KCNIP1: variants seen among roughly 807,000 people sequenced by gnomAD.
The protein encoded by KCNIP1 is A-type potassium channel modulatory protein KCNIP1.
A neutral mutation model predicts 33.0 loss-of-function variants in KCNIP1; 18 were observed. The ratio of observed to expected loss-of-function variants is 0.55; its 90% confidence interval spans 0.38 to 0.81. The LOEUF (loss-of-function observed/expected upper bound fraction) is 0.81. Among genes scored for constraint, KCNIP1 ranks in the 30% least tolerant of loss-of-function variants. The pLI, the probability that KCNIP1 is intolerant of heterozygous loss-of-function variation, is 0.00. For synonymous variants in KCNIP1, 93 were observed against 98.3 expected (o/e 0.95, Z 0.32); for missense variants, 238 against 271.6 (o/e 0.88, Z 0.87).
chr5:170,404,365 T>G (rs1425390702), intron 1 of KCNIP1, among the ~76,000 whole-genome samples: 1 of 152,168 alleles, frequency 6.6e-6, no homozygotes, highest in Non-Finnish European at 1.5e-5. Context: ...CATCATAGGC[T>G]GTTGTATTGG....
chr5:170,583,804 A>G (rs534857452), intron 1 of KCNIP1, among the ~76,000 whole-genome samples: 1 of 152,348 alleles, frequency 6.6e-6, no homozygotes, highest in South Asian at 2.1e-4. Context: ...TCTGTCCCCC[A>G]GTAGCTCAGT....
intron 1 of KCNIP1, among the ~76,000 whole-genome samples, chr5:170,590,927 T>C (rs1229335265): frequency 6.6e-6 from 1 of 152,088 alleles, no homozygotes; most frequent in East Asian, 1.9e-4. Context: ...AGCCTCAGGT[T>C]TGTATGGGGC....
At chr5:170,695,393 G>A (rs1762857693) in intron 1 of KCNIP1, among the ~76,000 whole-genome samples, 1 of 152,170 alleles carries the variant, frequency 6.6e-6, no homozygotes, top group Non-Finnish European at 1.5e-5. Context: ...GAACGAGAAG[G>A]GGGAAAGAAG....
At chr5:170,427,388 A>T (rs1348894598) in intron 1 of KCNIP1, among the ~76,000 whole-genome samples, 1 of 152,182 alleles carries the variant, frequency 6.6e-6, no homozygotes, top group Non-Finnish European at 1.5e-5. Context: ...CAGGAGCATT[A>T]TAGCTACAAC....
chr5:170,605,617 A>G (rs1043407724), intron 1 of KCNIP1, among the ~76,000 whole-genome samples: 2 of 152,050 alleles, frequency 1.3e-5, no homozygotes, highest in Admixed American at 1.3e-4. Flanking sequence ...GCAACCACCA[A>G]TCTGCTTTCT....
chr5:170,426,596 C>T (rs1259674819), intron 1 of KCNIP1, among the ~76,000 whole-genome samples: 1 of 152,246 alleles, frequency 6.6e-6, no homozygotes, highest in African/African-American at 2.4e-5. Context: ...GCATCTAGCA[C>T]TAGGGGCGCT....
intron 1 of KCNIP1, among the ~76,000 whole-genome samples, chr5:170,475,351 G>A (rs1293151087): frequency 6.6e-6 from 1 of 152,174 alleles, no homozygotes; most frequent in Non-Finnish European, 1.5e-5. Flanking sequence ...GCTCCTGCGT[G>A]CCAGGCATGG....
At chr5:170,485,796 C>CCCAGCG (rs149875698) in intron 1 of KCNIP1, 25,736 of 152,816 alleles carry the variant, frequency 0.17, 2,249 homozygotes, top group East Asian at 0.35. Context: ...GACCCCCAGC[C>CCCAGCG]CCAGCCCCAG....
intron 1 of KCNIP1, among the ~76,000 whole-genome samples, chr5:170,364,464 C>T (rs367707264): frequency 3.9e-5 from 6 of 152,182 alleles, no homozygotes; most frequent in African/African-American, 1.2e-4. Flanking sequence ...GAATCATATA[C>T]GATTATAATC....
intron 1 of KCNIP1, among the ~76,000 whole-genome samples, chr5:170,707,158 C>CAAAA (rs34331045): frequency 4.0e-5 from 5 of 125,552 alleles, no homozygotes; most frequent in African/African-American, 1.4e-4. Flanking sequence ...AGTAAATCAT[C>CAAAA]AAAAAAAAAA....
At chr5:170,575,649 C>G (rs1391277938) in intron 1 of KCNIP1, among the ~76,000 whole-genome samples, 1 of 152,182 alleles carries the variant, frequency 6.6e-6, no homozygotes, top group African/African-American at 2.4e-5. Context: ...GGCTCAAAAT[C>G]ACCCCTCACT....
intron 1 of KCNIP1, among the ~76,000 whole-genome samples, chr5:170,701,492 G>A (rs1763099180): frequency 6.6e-6 from 1 of 152,202 alleles, no homozygotes. Context: ...TCAGAGCCCT[G>A]TGACCTGCTA....
intron 1 of KCNIP1, among the ~76,000 whole-genome samples, chr5:170,460,807 G>A (rs1021122317): frequency 3.9e-5 from 6 of 152,110 alleles, no homozygotes; most frequent in African/African-American, 1.4e-4. Flanking sequence ...CCTAGCCAGA[G>A]CAATAAGACA....
intron 1 of KCNIP1, among the ~76,000 whole-genome samples, chr5:170,529,432 A>G (rs898922561): frequency 1.1e-4 from 17 of 152,278 alleles, no homozygotes; most frequent in Middle Eastern, 3.4e-3. Flanking sequence ...TGCCTTAACA[A>G]CCGAATGGAC....
chr5:170,670,886 ACT>A (rs1761891172), intron 1 of KCNIP1, among the ~76,000 whole-genome samples: 1 of 146,644 alleles, frequency 6.8e-6, no homozygotes, highest in South Asian at 2.2e-4. Flanking sequence ...ACAGAGTGAG[ACT>A]CTGTCTCAAA....
chr5:170,658,221 A>G (rs1378159272), intron 1 of KCNIP1, among the ~76,000 whole-genome samples: 1 of 152,182 alleles, frequency 6.6e-6, no homozygotes, highest in Non-Finnish European at 1.5e-5. Flanking sequence ...AAGAAAAGGA[A>G]TTTATTTCTT....
intron 1 of KCNIP1, among the ~76,000 whole-genome samples, chr5:170,598,896 T>C (rs553958864): frequency 7.8e-4 from 95 of 121,478 alleles, no homozygotes; most frequent in African/African-American, 2.8e-3. Context: ...CCGCTGTGTG[T>C]GTGTGCGCGT....
intron 1 of KCNIP1, among the ~76,000 whole-genome samples, chr5:170,403,791 C>T (rs147086030): frequency 6.6e-6 from 1 of 152,208 alleles, no homozygotes; most frequent in Admixed American, 6.5e-5. Flanking sequence ...CCTTTACACT[C>T]CAAATGCCAG....
intron 5 of KCNIP1, among the ~76,000 whole-genome samples, chr5:170,723,114 C>T (rs1763887922): frequency 6.6e-6 from 1 of 152,112 alleles, no homozygotes; most frequent in South Asian, 2.1e-4. Context: ...TTACTCTTCC[C>T]TAGGGAACCT....
Sources: allele counts gnomAD v4.1 joint callset (sites outside exome capture counted in the v4.1 genomes callset), GRCh38; gene constraint gnomAD v4.1.1; transcripts MANE v1.5; gene names NCBI Gene and HGNC (gene_info 2026-07-23, HGNC 2026-07-21).